The following ATP8B4 variants were observed in gnomAD, a reference collection of about 807,000 sequenced individuals.
ATP8B4 encodes the protein probable phospholipid-transporting ATPase IM.
A neutral mutation model predicts 145.6 loss-of-function variants in ATP8B4; 133 were observed. The observed-to-expected ratio is 0.91, with a 90% confidence interval of 0.79 to 1.05. The LOEUF is 1.05. ATP8B4 is among the 50% of genes least tolerant of loss of function. ATP8B4 has a pLI of 0.00. For missense variants in ATP8B4, 1,458 were observed against 1,425.2 expected (o/e 1.02, Z -0.37); for synonymous variants, 507 against 492.9 (o/e 1.03, Z -0.38).
chr15:49,905,409 C>T (rs2038495996), intron 20 of ATP8B4, among the ~76,000 whole-genome samples: 1 of 152,166 alleles, frequency 6.6e-6, no homozygotes, highest in Non-Finnish European at 1.5e-5. Context: ...AATATTTCAT[C>T]CCAAAGCTGT....
At chr15:50,039,028 G>A (rs568674520) in intron 5 of ATP8B4, among the ~76,000 whole-genome samples, 199 bp from the exon 6 acceptor site, 47 of 152,190 alleles carry the variant, frequency 3.1e-4, no homozygotes, top group Admixed American at 1.5e-3. Context: ...ATTACACTCC[G>A]GATGTCACCA....
chr15:50,060,735 A>G (rs1362870234), intron 3 of ATP8B4, among the ~76,000 whole-genome samples: 1 of 152,176 alleles, frequency 6.6e-6, no homozygotes, highest in Non-Finnish European at 1.5e-5. Flanking sequence ...TCAAATATGT[A>G]TATGAATCAT....
At chr15:50,052,437 C>T (rs1804044655) in intron 3 of ATP8B4, among the ~76,000 whole-genome samples, 1 of 152,212 alleles carries the variant, frequency 6.6e-6, no homozygotes, top group Non-Finnish European at 1.5e-5. Flanking sequence ...ACAGGTGATG[C>T]CAGACCAGGG....
At chr15:50,010,767 A>T (rs2048670063) in intron 7 of ATP8B4, 78 bp downstream of exon 7, 1 of 940,188 alleles carries the variant, frequency 1.1e-6, no homozygotes, top group South Asian at 2.1e-5. Flanking sequence ...GGATTTACTA[A>T]ATTTGCAAAT....
At chr15:50,133,459 C>A (rs1366930195) in intron 1 of ATP8B4, among the ~76,000 whole-genome samples, 1 of 151,674 alleles carries the variant, frequency 6.6e-6, no homozygotes, top group Non-Finnish European at 1.5e-5. Context: ...GTGGCATGTG[C>A]CTGTAGTCCC....
intron 2 of ATP8B4, among the ~76,000 whole-genome samples, chr15:50,087,371 AATAT>A (rs1334982682): frequency 1.4e-5 from 2 of 138,744 alleles, no homozygotes; most frequent in Non-Finnish European, 3.0e-5. Flanking sequence ...ATAATAAAAT[AATAT>A]ATAGATATAT....
chr15:50,045,399 C>T (rs1435579700), intron 4 of ATP8B4, among the ~76,000 whole-genome samples: 1 of 152,092 alleles, frequency 6.6e-6, no homozygotes, highest in African/African-American at 2.4e-5. Context: ...TGTGCCCATA[C>T]CTCCAAAGCC....
At chr15:50,146,194 A>G (rs2044274894) in intron 1 of ATP8B4, among the ~76,000 whole-genome samples, 1 of 151,940 alleles carries the variant, frequency 6.6e-6, no homozygotes. Flanking sequence ...TTGTGTTTTT[A>G]GTAGAGACGG....
chr15:49,986,656 C>T (rs1038585001), intron 10 of ATP8B4, among the ~76,000 whole-genome samples: 1 of 152,106 alleles, frequency 6.6e-6, no homozygotes, highest in Admixed American at 6.5e-5. Context: ...GTCAAGAGGC[C>T]CAAAACACAT....
chr15:49,973,593 A>G lies in ATP8B4; in HGVS notation c.1035-803T>C, dbSNP rs140473437. Among the ~76,000 whole-genome samples, 843 of 152,240 alleles carry G rather than the reference A, an allele frequency of 5.5e-3. 6 individuals carry two copies. The highest frequency in any genetic ancestry group is 8.7e-3 in the Non-Finnish European group (590 of 68,020). ...CATACCACTCTTCCCATTTACCATG[A>G]AAAGTGTTGCATCACATTCTAATTA... On this transcript the variant is annotated intron_variant, in intron 12 of 27. Coordinates refer to ENST00000284509, the MANE Select transcript of ATP8B4 (RefSeq NM_024837.4).
intron 16 of ATP8B4, among the ~76,000 whole-genome samples, chr15:49,925,299 G>A (rs1163708701): frequency 6.6e-6 from 1 of 152,034 alleles, no homozygotes; most frequent in Admixed American, 6.5e-5. Flanking sequence ...CATGATTACA[G>A]ATCTTTGTAA....
At chr15:49,860,626 A>C in intron 27 of ATP8B4, 151 bp from the exon 28 acceptor site, 1 of 932,126 alleles carries the variant, frequency 1.1e-6, no homozygotes, top group Non-Finnish European at 1.5e-6. Flanking sequence ...GAAATTTTCC[A>C]CCCAAAAGAT....
intron 1 of ATP8B4, among the ~76,000 whole-genome samples, chr15:50,147,352 G>A (rs1230854078): frequency 6.6e-6 from 1 of 150,820 alleles, no homozygotes; most frequent in African/African-American, 2.5e-5. Context: ...GGAGGCGGAG[G>A]TTGCAGTGAA....
intron 2 of ATP8B4, among the ~76,000 whole-genome samples, chr15:50,085,716 A>G (rs1029310966): frequency 1.9e-4 from 28 of 150,752 alleles, no homozygotes; most frequent in African/African-American, 7.3e-5. Flanking sequence ...TCAAAACAAT[A>G]TATCTCCCAT....
intron 1 of ATP8B4, among the ~76,000 whole-genome samples, chr15:50,112,782 T>G (rs2057012052): frequency 6.6e-6 from 1 of 152,072 alleles, no homozygotes; most frequent in African/African-American, 2.4e-5. Flanking sequence ...CCATCTCATT[T>G]CCACCTCCCC....
intron 14 of ATP8B4, among the ~76,000 whole-genome samples, chr15:49,939,347 G>C (rs2041981292): frequency 6.6e-6 from 1 of 151,422 alleles, no homozygotes. Context: ...AAGATTGATA[G>C]ACCACTAGCA....
intron 13 of ATP8B4, among the ~76,000 whole-genome samples, chr15:49,966,970 G>A (rs932622628): frequency 6.6e-6 from 1 of 152,190 alleles, no homozygotes; most frequent in African/African-American, 2.4e-5. Context: ...GTGATACTCA[G>A]GCAAACAGGG....
intron 1 of ATP8B4, among the ~76,000 whole-genome samples, chr15:50,136,298 C>T (rs11858160): frequency 0.098 from 14,897 of 152,164 alleles, 889 homozygotes; most frequent in Middle Eastern, 0.16. Context: ...TGTGAAGTTG[C>T]TATCTGGGCA....
intron 3 of ATP8B4, among the ~76,000 whole-genome samples, chr15:50,058,506 A>T (rs1019551515): frequency 6.6e-6 from 1 of 152,234 alleles, no homozygotes; most frequent in Non-Finnish European, 1.5e-5. Context: ...GCACCCATAA[A>T]GAATTTTCCA....
Sources: gnomAD v4.1 joint callset for allele counts (sites outside exome capture counted in the v4.1 genomes callset) on GRCh38, gnomAD v4.1.1 for gene constraint, MANE v1.5 for transcripts, NCBI Gene and HGNC (gene_info 2026-07-23, HGNC 2026-07-21) for gene names.